The following KCNH1 variants were observed in gnomAD, a reference collection of about 807,000 sequenced individuals.
KCNH1 encodes the protein voltage-gated delayed rectifier potassium channel KCNH1.
Under a neutral mutation model 69.2 loss-of-function variants are expected in KCNH1, and 27 were observed. The ratio of observed to expected loss-of-function variants is 0.39; its 90% confidence interval spans 0.29 to 0.54. The LOEUF (loss-of-function observed/expected upper bound fraction) is 0.54, where lower values mean the gene tolerates loss of function less well. KCNH1 is among the 20% of genes least tolerant of loss of function. The pLI, the probability that KCNH1 is intolerant of heterozygous loss-of-function variation, is 0.68. For missense variants in KCNH1, 798 were observed against 1,261.6 expected, an observed-to-expected ratio of 0.63 and a Z score of 5.57; for synonymous variants, 456 against 487.7, an observed-to-expected ratio of 0.93 and a Z score of 0.86.
chr1:211,024,770 G>A (rs1302664937), intron 5 of KCNH1, among the ~76,000 whole-genome samples: 1 of 151,906 alleles, frequency 6.6e-6, no homozygotes, highest in Non-Finnish European at 1.5e-5. Flanking sequence ...TATTTCTGCA[G>A]TATAGCCAGC....
chr1:211,041,075 G>A (rs1252890729), intron 5 of KCNH1, among the ~76,000 whole-genome samples: 1 of 152,102 alleles, frequency 6.6e-6, no homozygotes, highest in Admixed American at 6.5e-5. Context: ...TCTTGCTACA[G>A]CTCTTTTGCT....
chr1:210,722,180 C>A lies in KCNH1; in HGVS notation c.2113-38042G>T, dbSNP rs143907208. Among the ~76,000 whole-genome samples, 825 of 152,254 alleles carry A rather than the reference C, an allele frequency of 5.4e-3. 6 individuals are homozygous for A. Among genetic ancestry groups the A allele is most frequent in the African/African-American group, 0.019 (780 of 41,558 alleles). ...AGATTACACATTAAGCCTAGAAAGTCCCCCCATTCTATGAATAGGGATAAG... is the reference window on the plus strand; with the variant it reads ...AGATTACACATTAAGCCTAGAAAGTACCCCCATTCTATGAATAGGGATAAG... On this transcript the variant is annotated intron_variant, in intron 10 of 10. Coordinates refer to ENST00000271751, the MANE Select transcript of KCNH1 (RefSeq NM_172362.3).
chr1:210,881,071 G>A (rs1442694225), intron 7 of KCNH1, among the ~76,000 whole-genome samples: 2 of 150,858 alleles, frequency 1.3e-5, no homozygotes, highest in Non-Finnish European at 2.9e-5. Flanking sequence ...AGGCTGGAGT[G>A]CAGTGGCGCA....
chr1:210,995,136 GA>G (rs1322052887), intron 6 of KCNH1, among the ~76,000 whole-genome samples: 6 of 152,160 alleles, frequency 3.9e-5, no homozygotes, highest in African/African-American at 1.4e-4. Flanking sequence ...ACAGAGAGGT[GA>G]CAATATCACA....
chr1:210,874,977 T>C (rs909874543), intron 7 of KCNH1, among the ~76,000 whole-genome samples: 1 of 151,930 alleles, frequency 6.6e-6, no homozygotes, highest in South Asian at 2.1e-4. Flanking sequence ...TTCCACACAC[T>C]CAGGAGTATG....
chr1:210,780,603 A>G (rs1220493780), intron 9 of KCNH1, among the ~76,000 whole-genome samples: 1 of 152,156 alleles, frequency 6.6e-6, no homozygotes, highest in Non-Finnish European at 1.5e-5. Flanking sequence ...TCAAGGGATA[A>G]GGGAAGTCTT....
chr1:211,040,201 A>G (rs1029017152), intron 5 of KCNH1, among the ~76,000 whole-genome samples: 1 of 151,792 alleles, frequency 6.6e-6, no homozygotes, highest in Non-Finnish European at 1.5e-5. Flanking sequence ...AAAAAAAAAA[A>G]AAAAAAGACT....
chr1:210,986,105 C>A (rs1052961193), intron 6 of KCNH1, among the ~76,000 whole-genome samples: 1 of 152,090 alleles, frequency 6.6e-6, no homozygotes, highest in African/African-American at 2.4e-5. Context: ...AGGATTGCAA[C>A]CCCTGCCTTT....
intron 1 of KCNH1, among the ~76,000 whole-genome samples, chr1:211,122,860 G>A (rs6540658): frequency 0.18 from 27,846 of 151,994 alleles, 2,779 homozygotes; most frequent in African/African-American, 0.25. Context: ...CTTACAGAAT[G>A]GGTCGATAGG....
intron 7 of KCNH1, among the ~76,000 whole-genome samples, chr1:210,804,742 T>G (rs1382931477): frequency 6.6e-6 from 1 of 152,086 alleles, no homozygotes; most frequent in Non-Finnish European, 1.5e-5. Flanking sequence ...TAATCACAAA[T>G]AAATAAATAA....
At chr1:210,736,110 AT>A (rs1682873760) in intron 10 of KCNH1, among the ~76,000 whole-genome samples, 1 of 152,094 alleles carries the variant, frequency 6.6e-6, no homozygotes, top group African/African-American at 2.4e-5. Context: ...CACAGGCACA[AT>A]CACAGTGCAG....
chr1:211,102,203 T>C (rs1446705352), intron 3 of KCNH1, among the ~76,000 whole-genome samples: 1 of 152,184 alleles, frequency 6.6e-6, no homozygotes, highest in Non-Finnish European at 1.5e-5. Context: ...CTGGGGCATA[T>C]GTTCACTGAA....
chr1:210,908,190 A>G (rs1687155428), intron 7 of KCNH1, among the ~76,000 whole-genome samples: 2 of 152,206 alleles, frequency 1.3e-5, no homozygotes, highest in Non-Finnish European at 1.5e-5. Flanking sequence ...ATGAATGGCT[A>G]ATTATCCATC....
intron 10 of KCNH1, among the ~76,000 whole-genome samples, chr1:210,707,190 T>A (rs1174547672): frequency 1.3e-5 from 2 of 152,124 alleles, no homozygotes; most frequent in African/African-American, 2.4e-5. Context: ...TGCATCCATG[T>A]CCAGGATGGG....
intron 1 of KCNH1, among the ~76,000 whole-genome samples, chr1:211,128,469 T>C (rs959298730): frequency 2.0e-5 from 3 of 151,718 alleles, no homozygotes; most frequent in African/African-American, 7.3e-5. Context: ...CAAAACAAAC[T>C]GGTAAAATTA....
chr1:210,814,253 C>A (rs965894214), intron 7 of KCNH1, among the ~76,000 whole-genome samples: 1 of 152,082 alleles, frequency 6.6e-6, no homozygotes, highest in Non-Finnish European at 1.5e-5. Context: ...TCAGGATAAT[C>A]ATTTACTCTC....
At chr1:211,088,686 C>T (rs1029143331) in intron 4 of KCNH1, among the ~76,000 whole-genome samples, 7 of 152,050 alleles carry the variant, frequency 4.6e-5, no homozygotes, top group African/African-American at 1.7e-4. Context: ...CGAGGACTAA[C>T]GTGTGTGTGT....
intron 1 of KCNH1, chr1:211,132,447 AAAGGAAAGGTGACTG>A (rs376773029): frequency 2.1e-4 from 32 of 152,214 alleles, no homozygotes; most frequent in African/African-American, 6.3e-4. Flanking sequence ...GAAGACCTTG[AAAGGAAAGGTGACTG>A]ACCAGAAACA....
chr1:210,709,721 GAA>G (rs1682010801), intron 10 of KCNH1, among the ~76,000 whole-genome samples: 1 of 113,708 alleles, frequency 8.8e-6, no homozygotes, highest in South Asian at 3.5e-4. Flanking sequence ...AAGAAAGAAA[GAA>G]GAGAGAGAGA....
Sources: allele counts gnomAD v4.1 joint callset (sites outside exome capture counted in the v4.1 genomes callset), GRCh38; gene constraint gnomAD v4.1.1; transcripts MANE v1.5; gene names NCBI Gene and HGNC (gene_info 2026-07-23, HGNC 2026-07-21).